The following PNLIPRP3 variants were observed in gnomAD, a reference collection of about 807,000 sequenced individuals.
The protein encoded by PNLIPRP3 is pancreatic lipase-related protein 3.
A neutral mutation model predicts 52.8 loss-of-function variants in PNLIPRP3; 58 were observed. The ratio of observed to expected loss-of-function variants is 1.10; its 90% CI spans 0.89 to 1.37. PNLIPRP3 has a LOEUF of 1.37. Among genes scored for constraint, PNLIPRP3 ranks in the 40% most tolerant of loss-of-function variants. PNLIPRP3 has a pLI of 0.00. For missense variants in PNLIPRP3, 593 were observed against 561.6 expected, an observed-to-expected ratio of 1.06 and a Z score of -0.57; for synonymous variants, 192 against 185.0, an observed-to-expected ratio of 1.04 and a Z score of -0.31.
chr10:116,444,539 T>A (rs1341087316), intron 4 of PNLIPRP3, 26 bp downstream of exon 4: 12 of 1,596,838 alleles, frequency 7.5e-6, no homozygotes, highest in Non-Finnish European at 1.0e-5. Context: ...TTTTTTTTAA[T>A]TATATTGAAT....
intron 1 of PNLIPRP3, among the ~76,000 whole-genome samples, chr10:116,434,741 C>G (rs1212198032): frequency 1.3e-5 from 2 of 152,104 alleles, no homozygotes; most frequent in African/African-American, 4.8e-5. Flanking sequence ...ATAAGGGCAA[C>G]TGGGCATTCT....
Position 116,475,627 on chromosome 10 carries a change from G to A in PNLIPRP3, c.1173-1025G>A, listed in dbSNP as rs142013193. 1.4e-4 allele frequency among the ~76,000 whole-genome samples: 21 copies of A among 152,278 alleles called. No individual in the cohort carries two copies. In the East Asian group the frequency reaches 3.7e-3, roughly 27 times the overall value. On this transcript the variant is annotated intron_variant, in intron 10 of 11. Coordinates refer to ENST00000369230, the MANE Select transcript of PNLIPRP3 (RefSeq NM_001011709.3). ...TATAATAAGACAGACCCTAGGAATA[G>A]CAATATTCATTCGTTAATTCATTCA...
intron 9 of PNLIPRP3, among the ~76,000 whole-genome samples, chr10:116,470,744 G>A (rs1412017520): frequency 6.6e-6 from 1 of 152,072 alleles, no homozygotes; most frequent in Non-Finnish European, 1.5e-5. Flanking sequence ...TCCTGACCTC[G>A]TGATCTGACC....
Position 116,462,102 on chromosome 10 carries a change from A to G in PNLIPRP3, c.808+812A>G, listed in dbSNP as rs12265344. Among the ~76,000 whole-genome samples, 577 of 152,294 alleles carry G rather than the reference A, an allele frequency of 3.8e-3. 3 individuals carry two copies. Among genetic ancestry groups the G allele is most frequent in the African/African-American group, 0.013 (556 of 41,558 alleles). On this transcript the variant is annotated intron_variant, in intron 7 of 11. Transcript: ENST00000369230. ...TTGAGCAGAGAAGAGACGTGGTTTG[A>G]GTTACTTGTAACAAGAATCACTCTG... is the stretch of plus-strand genomic sequence containing the variant.
chr10:116,455,802 A>G lies in PNLIPRP3; in HGVS notation c.537A>G (p.Ser179=), dbSNP rs1463572636. ...CACACCTGGCTGGGGAAGCTGGGTCAAGGATACCAGGCCTTGGAAGAATAA... is the reference window on the plus strand; with the variant it reads ...CACACCTGGCTGGGGAAGCTGGGTCGAGGATACCAGGCCTTGGAAGAATAA... The part of the protein sequence containing the change: ...LGAHLAGEAG[S]RIPGLGRITG... Residue 179 remains serine, a synonymous_variant, in exon 5 of 12, where the codon TCA becomes TCG. Coordinates refer to ENST00000369230, the MANE Select transcript of PNLIPRP3 (RefSeq NM_001011709.3). 6.2e-7 allele frequency: 1 copy of G among 1,614,088 alleles called. No homozygotes were observed. Among genetic ancestry groups the G allele is most frequent in the Non-Finnish European group, 8.5e-7 (1 of 1,179,954 alleles).
intron 5 of PNLIPRP3, among the ~76,000 whole-genome samples, chr10:116,459,184 A>G (rs1454551614): frequency 1.3e-5 from 2 of 150,802 alleles, no homozygotes; most frequent in African/African-American, 4.9e-5. Context: ...GCCTTTGCCT[A>G]TCTGTTCATA....
intron 10 of PNLIPRP3, among the ~76,000 whole-genome samples, chr10:116,474,061 A>T (rs1239103479): frequency 1.3e-5 from 2 of 152,090 alleles, no homozygotes; most frequent in African/African-American, 2.4e-5. Context: ...GGCTACAGTA[A>T]CCAAAACAGC....
At chr10:116,447,546 G>T (rs904586251) in intron 4 of PNLIPRP3, among the ~76,000 whole-genome samples, 3 of 152,112 alleles carry the variant, frequency 2.0e-5, no homozygotes, top group African/African-American at 2.4e-5. Flanking sequence ...GTTAAATGAG[G>T]TCAGGAGAAT....
intron 2 of PNLIPRP3, among the ~76,000 whole-genome samples, chr10:116,438,436 A>G (rs549337893): frequency 6.6e-6 from 1 of 152,268 alleles, no homozygotes; most frequent in East Asian, 1.9e-4. Context: ...GTCTTCTCCT[A>G]TGCACTCCTA....
intron 7 of PNLIPRP3, among the ~76,000 whole-genome samples, chr10:116,463,008 A>C (rs1589987589): frequency 6.6e-6 from 1 of 152,208 alleles, no homozygotes; most frequent in Admixed American, 6.5e-5. Flanking sequence ...ATAGTTTGCT[A>C]TATTCTAATG....
intron 10 of PNLIPRP3, among the ~76,000 whole-genome samples, chr10:116,476,301 A>C (rs1406615003): frequency 6.6e-6 from 1 of 152,180 alleles, no homozygotes; most frequent in African/African-American, 2.4e-5. Flanking sequence ...TCTTGTGTAC[A>C]TTTAGTCCAC....
chr10:116,471,715 C>T, intron 9 of PNLIPRP3, 53 bp from the exon 10 acceptor site: 1 of 1,343,320 alleles, frequency 7.4e-7, no homozygotes, highest in African/African-American at 1.5e-5. Flanking sequence ...GTCATACTTC[C>T]CATGTGTTTT....
At chr10:116,432,079 T>G (rs1315200349) in intron 1 of PNLIPRP3, among the ~76,000 whole-genome samples, 2 of 151,536 alleles carry the variant, frequency 1.3e-5, no homozygotes, top group Non-Finnish European at 2.9e-5. Flanking sequence ...GTATTCTTAT[T>G]TATTGTCTGT....
chr10:116,476,577 T>C, intron 10 of PNLIPRP3, 75 bp from the exon 11 acceptor site: 1 of 1,229,886 alleles, frequency 8.1e-7, no homozygotes, highest in Non-Finnish European at 1.1e-6. Context: ...CCATAGTGCA[T>C]ACACAGATGT....
At chr10:116,438,671 A>G (rs994358603) in intron 2 of PNLIPRP3, among the ~76,000 whole-genome samples, 2 of 152,192 alleles carry the variant, frequency 1.3e-5, no homozygotes, top group African/African-American at 2.4e-5. Context: ...GTTTGCTGTT[A>G]AAGTGTTTTT....
chr10:116,470,579 G>A (rs990327772), intron 9 of PNLIPRP3, among the ~76,000 whole-genome samples: 1 of 149,888 alleles, frequency 6.7e-6, no homozygotes, highest in Non-Finnish European at 1.5e-5. Context: ...GTGCGATCTC[G>A]GCTCACTGCA....
intron 4 of PNLIPRP3, 136 bp downstream of exon 4, chr10:116,444,649 T>C: frequency 3.4e-6 from 3 of 891,594 alleles, no homozygotes; most frequent in Non-Finnish European, 3.3e-6. Context: ...CATTTGTATA[T>C]GGCAGACAAA....
At position 116,436,721 on chromosome 10, in the gene PNLIPRP3, T is replaced by G; in HGVS notation, c.60T>G (p.Val20=). ...ACCTTTCTGCTGCAGGAAAAGAAGT[T>G]TGCTATGAAAGGTTAGGGTGTTTCA... ...LFFGTSRGKE[V]CYERLGCFKD... The change falls in exon 2 of 12, where the codon GTT becomes GTG. Residue 20 remains valine (V), a synonymous_variant. Coordinates refer to ENST00000369230, the MANE Select transcript of PNLIPRP3 (RefSeq NM_001011709.3). 1 of 1,608,388 alleles carries G rather than the reference T, an allele frequency of 6.2e-7. No homozygotes were observed. Among genetic ancestry groups the G allele is most frequent in the Non-Finnish European group, 8.5e-7 (1 of 1,176,630 alleles).
At chr10:116,475,467 G>A (rs1846448962) in intron 10 of PNLIPRP3, among the ~76,000 whole-genome samples, 1 of 152,100 alleles carries the variant, frequency 6.6e-6, no homozygotes, top group Non-Finnish European at 1.5e-5. Context: ...TAGCTAATTG[G>A]GCTTCTAGTG....
Sources: allele counts gnomAD v4.1 joint callset (sites outside exome capture counted in the v4.1 genomes callset), GRCh38; gene constraint gnomAD v4.1.1; transcripts MANE v1.5; gene names NCBI Gene and HGNC (gene_info 2026-07-23, HGNC 2026-07-21).